PRR16: variants seen among roughly 807,000 people sequenced by gnomAD.
PRR16 encodes the protein proline rich 16, also known as protein Largen.
PRR16 carries 6 observed loss-of-function variants against 18.2 expected under a neutral mutation model. That is an observed-to-expected ratio of 0.33 (90% CI 0.18 to 0.65). The LOEUF (loss-of-function observed/expected upper bound fraction) is 0.65. PRR16 is among the 30% of genes least tolerant of loss of function. The probability of loss-of-function intolerance (pLI) is 0.74; values close to 1 mark genes in which losing one functional copy is unlikely to be tolerated. For missense variants in PRR16, 412 were observed against 376.6 expected, an observed-to-expected ratio of 1.09 and a Z score of -0.78; for synonymous variants, 151 against 147.8, an observed-to-expected ratio of 1.02 and a Z score of -0.16.
intron 1 of PRR16, among the ~76,000 whole-genome samples, chr5:120,574,192 G>A (rs1388702964): frequency 1.3e-5 from 2 of 152,056 alleles, no homozygotes; most frequent in African/African-American, 4.8e-5. Context: ...AAAGAAATTT[G>A]TAATATCTAT....
the PRR16 span, among the ~76,000 whole-genome samples, chr5:120,753,953 AT>A: frequency 2.5e-5 from 3 of 119,618 alleles, no homozygotes; most frequent in African/African-American, 6.7e-5. Context: ...TATGTTATAT[AT>A]TATATATAAT....
At chr5:120,587,291 A>G (rs1753480313) in intron 1 of PRR16, among the ~76,000 whole-genome samples, 1 of 152,200 alleles carries the variant, frequency 6.6e-6, no homozygotes, top group African/African-American at 2.4e-5. Flanking sequence ...TATCCAGAAG[A>G]CCTAAGATAA....
the PRR16 span, among the ~76,000 whole-genome samples, chr5:120,756,264 C>G: frequency 4.6e-5 from 7 of 151,986 alleles, no homozygotes; most frequent in African/African-American, 1.7e-4. Context: ...AAAGGGAGTA[C>G]CCTCTGATCC....
chr5:120,539,340 A>G (rs1304159676), intron 1 of PRR16, among the ~76,000 whole-genome samples: 1 of 151,548 alleles, frequency 6.6e-6, no homozygotes, highest in African/African-American at 2.4e-5. Context: ...ATTAATATCA[A>G]ATATTTAAAA....
chr5:120,584,518 T>C (rs1753375532), intron 1 of PRR16, among the ~76,000 whole-genome samples: 1 of 152,194 alleles, frequency 6.6e-6, no homozygotes, highest in Admixed American at 6.5e-5. Context: ...AAAAAGTATT[T>C]TATGAATGCT....
chr5:120,687,666 G>T (rs909345993), downstream of PRR16, among the ~76,000 whole-genome samples: 20 of 152,276 alleles, frequency 1.3e-4, no homozygotes, highest in African/African-American at 4.8e-4. Context: ...ATTTATAGGA[G>T]AATTATAGGG....
At chr5:120,514,711 A>G (rs759085819) in intron 1 of PRR16, among the ~76,000 whole-genome samples, 17 of 152,192 alleles carry the variant, frequency 1.1e-4, no homozygotes, top group Non-Finnish European at 2.5e-4. Context: ...CCACATTTCT[A>G]TCCAAGACCT....
the PRR16 span, among the ~76,000 whole-genome samples, chr5:120,731,581 T>C: frequency 6.6e-6 from 1 of 152,144 alleles, no homozygotes; most frequent in Admixed American, 6.5e-5. Flanking sequence ...GTTGTTAAAA[T>C]TTACCAGCAC....
rs990170554 is a variant in PRR16, at chr5:120,494,442, C to T, written c.159+29797C>T. Reference sequence around the variant, plus strand: ...CTTCTTGCCTTGTCTGTTATGTCTTCTGTCCATTTTAAAATTTGGTTTTTC... The same window carrying T: ...CTTCTTGCCTTGTCTGTTATGTCTTTTGTCCATTTTAAAATTTGGTTTTTC... On this transcript the variant is annotated intron_variant, in intron 1 of 1. Coordinates refer to ENST00000407149, the MANE Select transcript of PRR16 (RefSeq NM_001300783.2). Among the ~76,000 whole-genome samples, 3 of 151,988 alleles carry T rather than the reference C, an allele frequency of 2.0e-5. 1 individual carries two copies. In the South Asian group the frequency reaches 6.2e-4, roughly 31 times the overall value.
intron 1 of PRR16, among the ~76,000 whole-genome samples, chr5:120,680,840 C>T (rs945968380): frequency 2.0e-5 from 3 of 152,172 alleles, no homozygotes; most frequent in South Asian, 2.1e-4. Context: ...GTTCACTTCA[C>T]GTGAATTGCT....
chr5:120,551,861 A>G (rs1322915459), intron 1 of PRR16, among the ~76,000 whole-genome samples: 2 of 151,934 alleles, frequency 1.3e-5, no homozygotes, highest in Admixed American at 1.3e-4. Flanking sequence ...TGCTAGCATC[A>G]TGTCTTCTAC....
chr5:120,705,896 A>C, the PRR16 span, among the ~76,000 whole-genome samples: 1,625 of 152,270 alleles, frequency 0.011, 27 homozygotes, highest in African/African-American at 0.037. Context: ...AATATGAAGT[A>C]TTCTAACAGC....
chr5:120,540,519 C>T (rs564536968), intron 1 of PRR16, among the ~76,000 whole-genome samples: 2 of 152,220 alleles, frequency 1.3e-5, no homozygotes, highest in African/African-American at 4.8e-5. Context: ...GGTCACGTAG[C>T]CTTGTATACT....
At chr5:120,513,305 A>T (rs10078298) in intron 1 of PRR16, among the ~76,000 whole-genome samples, 10,834 of 152,174 alleles carry the variant, frequency 0.071, 894 homozygotes, top group African/African-American at 0.2. Context: ...GCAGGTAATC[A>T]TGTTTGTTCC....
intron 1 of PRR16, among the ~76,000 whole-genome samples, chr5:120,473,023 A>G (rs1749320120): frequency 6.6e-6 from 1 of 152,184 alleles, no homozygotes; most frequent in Non-Finnish European, 1.5e-5. Flanking sequence ...AACATGAATT[A>G]TGAAAGACAT....
intron 1 of PRR16, among the ~76,000 whole-genome samples, chr5:120,467,636 C>G (rs1182128021): frequency 2.6e-5 from 4 of 152,012 alleles, no homozygotes; most frequent in Non-Finnish European, 4.4e-5. Flanking sequence ...TGACAAAACT[C>G]TAGTCTGCTC....
the PRR16 span, among the ~76,000 whole-genome samples, chr5:120,767,860 A>G: frequency 6.6e-6 from 1 of 151,850 alleles, no homozygotes; most frequent in African/African-American, 2.4e-5. Context: ...TTGCATTAAA[A>G]AAATTCACAA....
At chr5:120,528,987 G>A (rs887404753) in intron 1 of PRR16, among the ~76,000 whole-genome samples, 1 of 152,100 alleles carries the variant, frequency 6.6e-6, no homozygotes, top group Non-Finnish European at 1.5e-5. Flanking sequence ...ATCTTGAGTG[G>A]AAAATCATAT....
At chr5:120,769,808 C>G in the PRR16 span, among the ~76,000 whole-genome samples, 16 of 151,736 alleles carry the variant, frequency 1.1e-4, no homozygotes, top group Admixed American at 2.6e-4. Context: ...ATGACTGTAC[C>G]AATTTACATT....
Sources: allele counts gnomAD v4.1 joint callset (sites outside exome capture counted in the v4.1 genomes callset), GRCh38; gene constraint gnomAD v4.1.1; transcripts MANE v1.5; gene names NCBI Gene and HGNC (gene_info 2026-07-23, HGNC 2026-07-21).